PPM1E: variants seen among roughly 807,000 people sequenced by gnomAD.
The protein encoded by PPM1E is protein phosphatase 1E.
Under a neutral mutation model 65.9 loss-of-function variants are expected in PPM1E, and 20 were observed. The ratio of observed to expected loss-of-function variants is 0.30; its 90% confidence interval spans 0.21 to 0.44. The LOEUF is 0.44. Ranked by LOEUF, PPM1E falls within the 20% of genes least tolerant of loss-of-function variation. The probability of loss-of-function intolerance (pLI) is 1.00; values close to 1 mark genes in which losing one functional copy is unlikely to be tolerated. For missense variants in PPM1E, 713 were observed against 953.1 expected (o/e 0.75, Z 3.32); for synonymous variants, 352 against 374.9 (o/e 0.94, Z 0.70).
chr17:58,936,165 T>C (rs1225773085), intron 1 of PPM1E, among the ~76,000 whole-genome samples: 2 of 152,098 alleles, frequency 1.3e-5, no homozygotes, highest in Non-Finnish European at 2.9e-5. Context: ...TTCCTAGAGG[T>C]TGCTATAGAA....
chr17:58,799,406 T>C (rs1265222257), intron 1 of PPM1E, among the ~76,000 whole-genome samples: 1 of 151,276 alleles, frequency 6.6e-6, no homozygotes, highest in Non-Finnish European at 1.5e-5. Flanking sequence ...CGGTCCCCCC[T>C]GAGCAGCTGG....
At chr17:58,955,557 AAT>A (rs1217429945) in intron 1 of PPM1E, 90 bp from the exon 2 acceptor site, 8 of 1,415,190 alleles carry the variant, frequency 5.7e-6, no homozygotes, top group East Asian at 2.5e-5. Flanking sequence ...GTTTTGAGAC[AAT>A]GTTATAATTA....
chr17:58,911,862 T>C (rs2051631070), intron 1 of PPM1E, among the ~76,000 whole-genome samples: 1 of 152,076 alleles, frequency 6.6e-6, no homozygotes, highest in Admixed American at 6.6e-5. Context: ...AGAGAGTGAG[T>C]GTTAGAAACA....
At chr17:58,869,479 G>A (rs1050870710) in intron 1 of PPM1E, among the ~76,000 whole-genome samples, 4 of 152,050 alleles carry the variant, frequency 2.6e-5, no homozygotes, top group African/African-American at 9.7e-5. Context: ...GTTAAAAAGA[G>A]CCTGGCACCT....
chr17:58,883,576 C>T (rs1250836794), intron 1 of PPM1E, among the ~76,000 whole-genome samples: 1 of 149,866 alleles, frequency 6.7e-6, no homozygotes, highest in Non-Finnish European at 1.5e-5. Context: ...CTCCGCCTCC[C>T]GGGTTCACGC....
intron 1 of PPM1E, among the ~76,000 whole-genome samples, chr17:58,945,387 C>T (rs1351649720): frequency 6.6e-6 from 1 of 152,220 alleles, no homozygotes; most frequent in Admixed American, 6.5e-5. Flanking sequence ...AGGTGATCGT[C>T]CCGCCTTGGC....
At chr17:58,956,421 G>A (rs1308372902) in intron 2 of PPM1E, among the ~76,000 whole-genome samples, 5 of 149,926 alleles carry the variant, frequency 3.3e-5, no homozygotes, top group African/African-American at 1.2e-4. Flanking sequence ...GGGAGAAAGA[G>A]TGAAACTCTG....
At chr17:58,909,184 A>G (rs552022128) in intron 1 of PPM1E, among the ~76,000 whole-genome samples, 82 of 152,126 alleles carry the variant, frequency 5.4e-4, no homozygotes, top group Non-Finnish European at 9.1e-4. Flanking sequence ...GTCTACTAGG[A>G]ACAAATTTCC....
rs2031341031 is a variant in PPM1E at position 58,981,248 on chromosome 17, C to A, written c.*217C>A. On this transcript the variant is annotated 3_prime_UTR_variant, in exon 7 of 7. Coordinates refer to ENST00000308249, the MANE Select transcript of PPM1E (RefSeq NM_014906.5). ...TCACTTGCAAAATTACACAGCTGGTCCCTGTGATGTGTCTCGACACCAATA... is the reference window on the plus strand; with the variant it reads ...TCACTTGCAAAATTACACAGCTGGTACCTGTGATGTGTCTCGACACCAATA... 10 of 511,012 alleles carry A rather than the reference C, an allele frequency of 2.0e-5. No homozygotes were observed. The South Asian group carries it at 2.5e-4, about 13-fold the overall frequency. The allele number at this position is 511,012 out of a possible 1,614,324, so 31.7% of individuals were successfully genotyped here.
chr17:58,931,083 AAAAGAAAGAAAG>A (rs71358696), intron 1 of PPM1E, among the ~76,000 whole-genome samples: 1 of 141,352 alleles, frequency 7.1e-6, no homozygotes, highest in Non-Finnish European at 1.5e-5. Flanking sequence ...AAAAAAAAAA[AAAAGAAAGAAAG>A]AAAGAAAAAA....
chr17:58,780,684 A>G (rs925357965), intron 1 of PPM1E, among the ~76,000 whole-genome samples: 5 of 152,212 alleles, frequency 3.3e-5, no homozygotes. Context: ...AGTCTATAAG[A>G]TGTCTTAAAA....
At chr17:58,762,891 C>G (rs1464490462) in intron 1 of PPM1E, among the ~76,000 whole-genome samples, 2 of 139,284 alleles carry the variant, frequency 1.4e-5, no homozygotes, top group African/African-American at 5.3e-5. Flanking sequence ...GAGCGAGACT[C>G]CGTCTCAAAA....
intron 1 of PPM1E, among the ~76,000 whole-genome samples, chr17:58,807,643 T>C (rs1224657391): frequency 6.6e-6 from 1 of 152,138 alleles, no homozygotes; most frequent in Non-Finnish European, 1.5e-5. Flanking sequence ...AGTCATAAAC[T>C]GGGAGAAGAT....
At chr17:58,816,584 C>A (rs1466708015) in intron 1 of PPM1E, among the ~76,000 whole-genome samples, 1 of 150,636 alleles carries the variant, frequency 6.6e-6, no homozygotes, top group Non-Finnish European at 1.5e-5. Flanking sequence ...CCCCTAGTAA[C>A]CTCTATTCTA....
At chr17:58,902,728 A>G (rs1267812731) in intron 1 of PPM1E, among the ~76,000 whole-genome samples, 2 of 152,320 alleles carry the variant, frequency 1.3e-5, no homozygotes, top group South Asian at 2.1e-4. Flanking sequence ...TTCCAAAGAA[A>G]AACAGTCTTT....
intron 1 of PPM1E, among the ~76,000 whole-genome samples, chr17:58,770,351 A>G (rs898728598): frequency 6.6e-5 from 10 of 152,052 alleles, no homozygotes; most frequent in Admixed American, 1.3e-4. Context: ...GGTCTGTAAA[A>G]AATACATTGA....
chr17:58,756,037 T>C lies in PPM1E; in HGVS notation c.40T>C (p.Phe14Leu). 6.2e-7 allele frequency: 1 copy of C among 1,613,994 alleles called. No individual in the cohort carries two copies. Reference protein sequence around the residue: ...CIPEEKTYRRFLELFLGEFRG... With the variant: ...CIPEEKTYRRLLELFLGEFRG... ...CCCTGAGGAGAAAACTTACCGGCGC[T>C]TCCTGGAGCTATTCCTGGGCGAGTT... Residue 14 changes from phenylalanine (F) to leucine (L), a missense_variant, in exon 1 of 7, where the codon TTC (phenylalanine) becomes CTC (leucine). Phe to Leu is a conservative substitution (Grantham distance 22). Transcript: ENST00000308249.
At chr17:58,870,953 G>A (rs2051062515) in intron 1 of PPM1E, among the ~76,000 whole-genome samples, 1 of 152,088 alleles carries the variant, frequency 6.6e-6, no homozygotes, top group Non-Finnish European at 1.5e-5. Flanking sequence ...CCTTGTGTTG[G>A]TTTTTCCCTT....
intron 1 of PPM1E, among the ~76,000 whole-genome samples, chr17:58,840,413 A>G (rs2050706679): frequency 6.6e-6 from 1 of 152,230 alleles, no homozygotes. Context: ...TCAGTCAGGC[A>G]TTACAGAGGC....
Sources: allele counts gnomAD v4.1 joint callset (sites outside exome capture counted in the v4.1 genomes callset), GRCh38; gene constraint gnomAD v4.1.1; transcripts MANE v1.5; gene names NCBI Gene and HGNC (gene_info 2026-07-23, HGNC 2026-07-21).